Variants in SYNE1 observed in about 807,000 individuals in gnomAD.
The protein encoded by SYNE1 is spectrin repeat containing nuclear envelope protein 1.
In SYNE1, 616 loss-of-function variants were observed where a neutral mutation model predicts 1,111.0. That is an observed-to-expected ratio of 0.55 (90% CI 0.52 to 0.59). The LOEUF (loss-of-function observed/expected upper bound fraction) is 0.59, where lower values mean the gene tolerates loss of function less well. Among genes scored for constraint, SYNE1 ranks in the 20% least tolerant of loss-of-function variants. The pLI, the probability that SYNE1 is intolerant of heterozygous loss-of-function variation, is 0.00. For synonymous variants in SYNE1, 3,855 were observed against 3,825.8 expected, an observed-to-expected ratio of 1.01 and a Z score of -0.28; for missense variants, 10,006 against 10,417.0, an observed-to-expected ratio of 0.96 and a Z score of 1.72.
intron 55 of SYNE1, among the ~76,000 whole-genome samples, chr6:152,383,281 T>C (rs2097458640): frequency 6.6e-6 from 1 of 152,258 alleles, no homozygotes; most frequent in African/African-American, 2.4e-5. Context: ...GGAAGCAGCC[T>C]TTGTGAAAGA....
chr6:152,554,555 G>GT (rs796434602), intron 3 of SYNE1, among the ~76,000 whole-genome samples: 52 of 152,050 alleles, frequency 3.4e-4, no homozygotes, highest in Middle Eastern at 3.4e-3. Flanking sequence ...AGACATCTTA[G>GT]TTTTTTTTAT....
At chr6:152,495,914 A>G (rs1564450044) in intron 11 of SYNE1, among the ~76,000 whole-genome samples, 1 of 152,190 alleles carries the variant, frequency 6.6e-6, no homozygotes, top group East Asian at 1.9e-4. Context: ...ATTAAAAAGA[A>G]AATTTTATAT....
At chr6:152,286,767 T>C (rs1038997986) in intron 95 of SYNE1, among the ~76,000 whole-genome samples, 1 of 152,164 alleles carries the variant, frequency 6.6e-6, no homozygotes, top group African/African-American at 2.4e-5. Flanking sequence ...TGGTTTTCCC[T>C]TAACGGGAAG....
At chr6:152,186,131 T>C (rs945463120) in intron 128 of SYNE1, among the ~76,000 whole-genome samples, 12 of 152,052 alleles carry the variant, frequency 7.9e-5, no homozygotes. Context: ...AAAAGAATAA[T>C]AACACAATGC....
At position 152,148,441 on chromosome 6, in the gene SYNE1, AC is replaced by A; in HGVS notation, c.24643-64del. On this transcript the variant is annotated intron_variant, in intron 136 of 145. Transcript: ENST00000367255. This position sits in a 1 kb window ranked among gnomAD's most constrained non-coding sequence, Gnocchi z 4.1. The stretch of plus-strand genomic sequence containing the variant: ...GTCAGACTAGCTTCTTATCTGGGCC[AC>A]CTGCCTACCATGTGGGGACAATTTT... 6.7e-7 allele frequency: 1 copy of A among 1,496,794 alleles called. No homozygotes were observed. Among genetic ancestry groups the A allele is most frequent in the Non-Finnish European group, 9.2e-7 (1 of 1,090,894 alleles). 92.7% of individuals were successfully genotyped at this position (1,496,794 alleles called of 1,614,324 possible).
chr6:152,395,274 GAACA>G lies in SYNE1; in HGVS notation c.7712+238_7712+241del, dbSNP rs1317738429. ...AGATAAGTGACCTGCCCAATTTCTTGAACAAACAGGAGGTGGATCTGGAATGCAG... is the reference window on the plus strand; with the variant it reads ...AGATAAGTGACCTGCCCAATTTCTTGAACAGGAGGTGGATCTGGAATGCAG... On this transcript the variant is annotated intron_variant, in intron 51 of 145. Transcript: ENST00000367255. Among the ~76,000 whole-genome samples the G allele has an allele frequency of 2.0e-5, 3 of 152,124 alleles. No individual in the cohort carries two copies. In the East Asian group the frequency reaches 5.8e-4, roughly 29 times the overall value.
At chr6:152,367,081 A>T (rs781492217) in intron 62 of SYNE1, 137 bp downstream of exon 62, 1 of 1,068,532 alleles carries the variant, frequency 9.4e-7, no homozygotes, top group Non-Finnish European at 1.5e-6. Flanking sequence ...CCCAAGGCAG[A>T]CAGCGTTGCA....
chr6:152,281,697 G>T, intron 97 of SYNE1, 110 bp downstream of exon 97: 1 of 1,144,042 alleles, frequency 8.7e-7, no homozygotes, highest in Non-Finnish European at 1.3e-6. Context: ...AAAGTCTATG[G>T]GTTGGGAAAA....
At chr6:152,130,870 G>A (rs2055399831) in intron 144 of SYNE1, 92 bp from the exon 145 acceptor site, 2 of 1,315,114 alleles carry the variant, frequency 1.5e-6, no homozygotes, top group East Asian at 4.6e-5. Flanking sequence ...TAAAAGTGCA[G>A]CAAAGGAAAA....
At chr6:152,481,022 C>T (rs1456193883) in intron 14 of SYNE1, 1 of 330,390 alleles carries the variant, frequency 3.0e-6, no homozygotes, top group African/African-American at 2.2e-5. Context: ...ATCATATAGC[C>T]ATTGAAACAC....
intron 127 of SYNE1, among the ~76,000 whole-genome samples, chr6:152,200,154 C>T (rs979390872): frequency 2.0e-5 from 3 of 152,144 alleles, no homozygotes; most frequent in Non-Finnish European, 2.9e-5. Context: ...CTGTTTCAGA[C>T]GCACAGTATA....
intron 18 of SYNE1, 144 bp from the exon 19 acceptor site, chr6:152,463,661 A>G (rs550782335): frequency 1.7e-4 from 130 of 784,396 alleles, no homozygotes; most frequent in Non-Finnish European, 2.5e-4. Flanking sequence ...TAAAATGCAC[A>G]TTTTTGATAA....
rs563676134 is a variant in SYNE1, at chr6:152,498,660, A to T, written c.939+82T>A. 4.1e-6 allele frequency: 4 copies of T among 972,832 alleles called. No homozygotes were observed. The South Asian group carries it at 7.2e-5, about 18-fold the overall frequency. 60.3% of individuals were successfully genotyped at this position (972,832 alleles called of 1,614,324 possible). A position where few individuals can be genotyped will look rare whatever the true frequency, so the allele number is the denominator to read the frequency against. On this transcript the variant is annotated intron_variant, in intron 11 of 145. Coordinates refer to ENST00000367255, the MANE Select transcript of SYNE1 (RefSeq NM_182961.4). ...AGAGAAATGTATACATAAAGACAAA[A>T]ACATGCAAGGGAATGACTAAAATGC...
intron 4 of SYNE1, among the ~76,000 whole-genome samples, chr6:152,531,664 C>T (rs2099202485): frequency 1.3e-5 from 2 of 152,154 alleles, no homozygotes; most frequent in Non-Finnish European, 2.9e-5. Flanking sequence ...TCCCTCTGCC[C>T]TTCAGCCTCT....
At chr6:152,344,364 A>G in intron 73 of SYNE1, 137 bp from the exon 74 acceptor site, 2 of 1,362,754 alleles carry the variant, frequency 1.5e-6, no homozygotes, top group Non-Finnish European at 2.0e-6. Context: ...CTAATATCTA[A>G]GGCAGTTGTA....
At position 152,244,560 on chromosome 6, in the gene SYNE1, T is replaced by C. The variant is rs1186609871; in HGVS notation, c.19669A>G (p.Met6557Val). 6.2e-7 allele frequency: 1 copy of C among 1,614,004 alleles called. No individual in the cohort carries two copies. Among genetic ancestry groups the C allele is most frequent in the Non-Finnish European group, 8.5e-7 (1 of 1,179,958 alleles). The change falls in exon 106 of 146, where the codon ATG becomes GTG. Residue 6557 changes from methionine (M) to valine (V), a missense_variant. Around this residue, in one of 7 missense-constraint regions of SYNE1, gnomAD observed 2,182 missense variants for 2,287.8 expected, o/e 0.95. Transcript: ENST00000367255. ...GDKLQVEQPSMQELSKLQDMY... is the reference protein window; with the variant it reads ...GDKLQVEQPSVQELSKLQDMY... ...ACCTGGAGCTTGGAGAGTTCTTGCA[T>C]GGACGGCTGCTCGACCTGTAGCTTG...
chr6:152,452,368 C>T (rs1333353396), intron 25 of SYNE1, among the ~76,000 whole-genome samples: 1 of 151,954 alleles, frequency 6.6e-6, no homozygotes, highest in Non-Finnish European at 1.5e-5. Context: ...AATACATTTA[C>T]AATATGATAT....
chr6:152,472,519 T>C, intron 14 of SYNE1, 106 bp from the exon 15 acceptor site: 1 of 1,021,692 alleles, frequency 9.8e-7, no homozygotes, highest in East Asian at 2.5e-5. Context: ...TTCAACAATT[T>C]GATCCCGCTG....
rs1372086854 is a variant in SYNE1, at chr6:152,444,476, G to A, written c.3772C>T (p.Gln1258Ter). 1 of 1,613,916 alleles carries A rather than the reference G, an allele frequency of 6.2e-7. No homozygotes were observed. Among genetic ancestry groups the A allele is most frequent in the Non-Finnish European group, 8.5e-7 (1 of 1,179,950 alleles). ...TCAGTATCCAAGATCTTCTCAGCTT[G>A]TTCCTGGACTTCTTTAGAGCCAGAA... ...LISGSKEVQE[Q>*]AEKILDTENL... The change falls in exon 30 of 146, where the codon CAA (glutamine) becomes TAA (stop). Residue 1258 changes from glutamine (Q) to a stop codon, truncating the protein, a stop_gained. Coordinates refer to ENST00000367255, the MANE Select transcript of SYNE1 (RefSeq NM_182961.4). LOFTEE classifies it high-confidence loss of function.
Sources: gnomAD v4.1 joint callset for allele counts (sites outside exome capture counted in the v4.1 genomes callset) on GRCh38, gnomAD v4.1.1 for gene constraint, gnomAD v4.1.1 regional missense constraint, Gnocchi (gnomAD v3.1) non-coding constraint, MANE v1.5 for transcripts, NCBI Gene and HGNC (gene_info 2026-07-23, HGNC 2026-07-21) for gene names.